Variants in ATF7IP observed in about 807,000 individuals in gnomAD.
The protein encoded by ATF7IP is activating transcription factor 7-interacting protein 1.
Under a neutral mutation model 106.4 loss-of-function variants are expected in ATF7IP, and 23 were observed. That is an observed-to-expected ratio of 0.22 (90% CI 0.16 to 0.31). The LOEUF (loss-of-function observed/expected upper bound fraction) is 0.31. Ranked by LOEUF, ATF7IP falls within the 10% of genes least tolerant of loss-of-function variation. The pLI, the probability that ATF7IP is intolerant of heterozygous loss-of-function variation, is 1.00. For missense variants in ATF7IP, 1,334 were observed against 1,524.3 expected, an observed-to-expected ratio of 0.88 and a Z score of 2.08; for synonymous variants, 542 against 539.0, an observed-to-expected ratio of 1.01 and a Z score of -0.08.
intron 1 of ATF7IP, among the ~76,000 whole-genome samples, chr12:14,407,623 C>T (rs932616485): frequency 6.6e-6 from 1 of 152,078 alleles, no homozygotes; most frequent in Non-Finnish European, 1.5e-5. Flanking sequence ...TAAGAAATTT[C>T]AAGTATTGTC....
At chr12:14,448,095 G>C (rs919942819) in intron 6 of ATF7IP, among the ~76,000 whole-genome samples, 10 of 151,802 alleles carry the variant, frequency 6.6e-5, no homozygotes, top group African/African-American at 2.4e-4. Flanking sequence ...TTTGAACAAG[G>C]TCCATTTCTT....
At chr12:14,400,067 G>C (rs1215522380) in intron 1 of ATF7IP, among the ~76,000 whole-genome samples, 1 of 152,088 alleles carries the variant, frequency 6.6e-6, no homozygotes, top group African/African-American at 2.4e-5. Flanking sequence ...ATGGAAGAGA[G>C]AATGTCTGAT....
At chr12:14,441,574 C>T (rs182494383) in intron 5 of ATF7IP, among the ~76,000 whole-genome samples, 440 of 146,854 alleles carry the variant, frequency 3.0e-3, no homozygotes, top group African/African-American at 0.011. Flanking sequence ...ACTGCAAGCT[C>T]TGCCTCCCGG....
At chr12:14,393,099 A>G (rs1338675165) in intron 1 of ATF7IP, among the ~76,000 whole-genome samples, 1 of 152,200 alleles carries the variant, frequency 6.6e-6, no homozygotes. Context: ...TATTTGGCTT[A>G]GAAATACTTA....
At chr12:14,401,714 C>CT (rs3083699) in intron 1 of ATF7IP, among the ~76,000 whole-genome samples, 3,813 of 76,904 alleles carry the variant, frequency 0.05, 449 homozygotes, top group South Asian at 0.075. Context: ...AGAGATTAAG[C>CT]TTTTTTTTTT....
chr12:14,462,736 T>C (rs993000403), intron 9 of ATF7IP, among the ~76,000 whole-genome samples: 1 of 152,042 alleles, frequency 6.6e-6, no homozygotes, highest in Non-Finnish European at 1.5e-5. Context: ...TTGACTATTC[T>C]TAACTTTTTT....
intron 13 of ATF7IP, among the ~76,000 whole-genome samples, chr12:14,494,527 C>T (rs1944948096): frequency 6.9e-6 from 1 of 144,852 alleles, no homozygotes; most frequent in Non-Finnish European, 1.5e-5. Context: ...TATATATATA[C>T]AGTATATCTT....
At chr12:14,494,381 A>G (rs2136871088) in intron 13 of ATF7IP, among the ~76,000 whole-genome samples, 2 of 133,578 alleles carry the variant, frequency 1.5e-5, no homozygotes, top group East Asian at 4.4e-4. Flanking sequence ...TATATATAGT[A>G]TTCATATAAT....
At chr12:14,428,819 A>G (rs1941990718) in intron 2 of ATF7IP, among the ~76,000 whole-genome samples, 1 of 152,176 alleles carries the variant, frequency 6.6e-6, no homozygotes, top group Non-Finnish European at 1.5e-5. Context: ...TAGAAAAGCT[A>G]TTTTAATTTT....
Position 14,424,265 on chromosome 12 carries a change from T to C in ATF7IP, c.350T>C (p.Ile117Thr), listed in dbSNP as rs1384220490. Residue 117 changes from isoleucine (I) to threonine (T), a missense_variant, in exon 2 of 15, where the codon ATA becomes ACA. Coordinates refer to ENST00000261168, the MANE Select transcript of ATF7IP (RefSeq NM_018179.5). The part of the protein sequence containing the change: ...LNCEPLSPHN[I>T]TPEPVSKLPA... ...TGTGAACCTTTGTCTCCCCATAATA[T>C]AACTCCAGAACCAGTCTCTAAACTG... 1 of 1,614,106 alleles carries C rather than the reference T, an allele frequency of 6.2e-7. No homozygotes were observed. The highest frequency in any genetic ancestry group is 8.5e-7 in the Non-Finnish European group (1 of 1,180,050).
At chr12:14,403,563 T>C (rs545906664) in intron 1 of ATF7IP, among the ~76,000 whole-genome samples, 1 of 152,178 alleles carries the variant, frequency 6.6e-6, no homozygotes, top group South Asian at 2.1e-4. Flanking sequence ...TTTTTTTCTG[T>C]TTACCAGTCA....
intron 4 of ATF7IP, 96 bp downstream of exon 4, chr12:14,436,347 ATGTGGTTTATCATAG>A (rs1286984669): frequency 1.6e-6 from 2 of 1,263,870 alleles, no homozygotes; most frequent in Non-Finnish European, 1.1e-6. Context: ...TATTGACATA[ATGTGGTTTATCATAG>A]AAAGAAAGAA....
At chr12:14,486,451 C>T (rs1399471095) in intron 13 of ATF7IP, among the ~76,000 whole-genome samples, 2 of 152,066 alleles carry the variant, frequency 1.3e-5, no homozygotes, top group Non-Finnish European at 1.5e-5. Flanking sequence ...CTCAAGGGGA[C>T]GAGGCCTCCC....
intron 6 of ATF7IP, 128 bp from the exon 7 acceptor site, chr12:14,456,433 C>A: frequency 1.7e-6 from 1 of 595,838 alleles, no homozygotes; most frequent in Non-Finnish European, 2.9e-6. Flanking sequence ...TCTCAGCTGG[C>A]AATGTTTCCC....
intron 8 of ATF7IP, among the ~76,000 whole-genome samples, chr12:14,459,466 C>T (rs1943557864): frequency 6.6e-6 from 1 of 152,174 alleles, no homozygotes; most frequent in Admixed American, 6.5e-5. Context: ...TTACTGTAAG[C>T]ATGTGATGAA....
At chr12:14,465,320 G>A (rs1345830764) in intron 9 of ATF7IP, among the ~76,000 whole-genome samples, 1 of 151,972 alleles carries the variant, frequency 6.6e-6, no homozygotes, top group Non-Finnish European at 1.5e-5. Context: ...TTGATTTGAA[G>A]ATGGAAGTGT....
intron 1 of ATF7IP, among the ~76,000 whole-genome samples, chr12:14,372,038 A>T (rs1938553912): frequency 6.6e-6 from 1 of 152,164 alleles, no homozygotes; most frequent in Admixed American, 6.5e-5. Flanking sequence ...CAGAGACCAT[A>T]GTCCTTGTCA....
rs570647651 is a variant in ATF7IP at position 14,477,709 on chromosome 12, A to T, written c.2942-608A>T. ...ATTTACATTTAGTGTGGAATTCTAT[A>T]GGACAGAAATTGATGGGGATTATTT... On this transcript the variant is annotated intron_variant, in intron 11 of 14. Transcript: ENST00000261168. Among the ~76,000 whole-genome samples, 147 of 152,320 alleles carry T rather than the reference A, an allele frequency of 9.7e-4. 1 individual carries two copies. The highest frequency in any genetic ancestry group is 3.5e-3 in the African/African-American group (145 of 41,574).
At position 14,424,545 on chromosome 12, in the gene ATF7IP, C is replaced by T. The variant is rs947417704; in HGVS notation, c.630C>T (p.Ile210=). ...SSGDPTSSDP[I]PGEPVPVEPI... Reference sequence around the variant, plus strand: ...GTGATCCCACCTCTAGTGATCCCATCCCAGGTGAACCGGTCCCTGTTGAAC... The same window carrying T: ...GTGATCCCACCTCTAGTGATCCCATTCCAGGTGAACCGGTCCCTGTTGAAC... Residue 210 remains isoleucine (I), a synonymous_variant, in exon 2 of 15, where the codon ATC becomes ATT. Transcript: ENST00000261168. 2 of 1,614,194 alleles carry T rather than the reference C, an allele frequency of 1.2e-6. No individual in the cohort carries two copies. Among genetic ancestry groups the T allele is most frequent in the Non-Finnish European group, 1.7e-6 (2 of 1,180,030 alleles).
Sources: allele counts gnomAD v4.1 joint callset (sites outside exome capture counted in the v4.1 genomes callset), GRCh38; gene constraint gnomAD v4.1.1; transcripts MANE v1.5; gene names NCBI Gene and HGNC (gene_info 2026-07-23, HGNC 2026-07-21).